The following PRICKLE1 variants were observed in gnomAD, a reference collection of about 807,000 sequenced individuals.
PRICKLE1 encodes prickle-like protein 1.
A neutral mutation model predicts 70.2 loss-of-function variants in PRICKLE1; 14 were observed. The observed-to-expected ratio is 0.20, with a 90% confidence interval of 0.13 to 0.31. The LOEUF is 0.31. PRICKLE1 is among the 10% of genes least tolerant of loss of function. The pLI is 1.00. For missense variants in PRICKLE1, 821 were observed against 1,026.2 expected, an observed-to-expected ratio of 0.80 and a Z score of 2.73; for synonymous variants, 357 against 379.9, an observed-to-expected ratio of 0.94 and a Z score of 0.70.
chr12:42,460,977 G>A (rs1375358503), intron 7 of PRICKLE1, among the ~76,000 whole-genome samples: 1 of 152,156 alleles, frequency 6.6e-6, no homozygotes, highest in Non-Finnish European at 1.5e-5. Flanking sequence ...CACCTCCCAG[G>A]TTCAAGCAGT....
chr12:42,468,889 T>C, intron 4 of PRICKLE1, 60 bp from the exon 5 acceptor site: 1 of 1,516,528 alleles, frequency 6.6e-7, no homozygotes, highest in South Asian at 1.2e-5. Flanking sequence ...ATTCTCAGGC[T>C]TTCCTACTTT....
chr12:42,489,072 C>T (rs984365653), intron 1 of PRICKLE1, among the ~76,000 whole-genome samples: 31 of 151,702 alleles, frequency 2.0e-4, no homozygotes, highest in African/African-American at 6.5e-4. Flanking sequence ...TACAGGCATG[C>T]GCAACCACGC....
At chr12:42,522,808 AC>A (rs1385485272) in intron 1 of PRICKLE1, among the ~76,000 whole-genome samples, 1 of 152,212 alleles carries the variant, frequency 6.6e-6, no homozygotes, top group Non-Finnish European at 1.5e-5. Context: ...TGGATATATT[AC>A]ATAAATTTGA....
chr12:42,577,583 C>T (rs1487434891), intron 1 of PRICKLE1, among the ~76,000 whole-genome samples: 1 of 151,964 alleles, frequency 6.6e-6, no homozygotes, highest in Non-Finnish European at 1.5e-5. Flanking sequence ...ATTATCTATC[C>T]CCCTGAAGTT....
intron 1 of PRICKLE1, among the ~76,000 whole-genome samples, chr12:42,491,502 G>A (rs1051970982): frequency 2.3e-4 from 35 of 151,766 alleles, no homozygotes; most frequent in African/African-American, 8.2e-4. Flanking sequence ...GCAGTGAGCC[G>A]AGATCACATC....
intron 1 of PRICKLE1, among the ~76,000 whole-genome samples, chr12:42,525,435 C>G (rs968826587): frequency 2.0e-5 from 3 of 152,186 alleles, no homozygotes; most frequent in East Asian, 3.8e-4. Context: ...GTCAGAAGCA[C>G]AGGTAAAACA....
intron 6 of PRICKLE1, 56 bp downstream of exon 6, chr12:42,466,138 A>T: frequency 6.3e-7 from 1 of 1,579,248 alleles, no homozygotes; most frequent in Non-Finnish European, 8.7e-7. Flanking sequence ...AGACTGGATA[A>T]TCCAAGACAG....
chr12:42,472,315 A>G (rs761551641), intron 2 of PRICKLE1, 70 bp downstream of exon 2: 157 of 1,557,710 alleles, frequency 1.0e-4, no homozygotes, highest in Non-Finnish European at 1.4e-4. Flanking sequence ...ATCCATTTAC[A>G]AAATAATGTT....
chr12:42,555,773 C>G (rs1566125018), intron 1 of PRICKLE1, among the ~76,000 whole-genome samples: 1 of 152,076 alleles, frequency 6.6e-6, no homozygotes, highest in Non-Finnish European at 1.5e-5. Context: ...AAAGCATCCC[C>G]CTAGAATCCT....
intron 1 of PRICKLE1, among the ~76,000 whole-genome samples, chr12:42,586,284 G>A (rs1398015154): frequency 1.3e-5 from 2 of 152,170 alleles, no homozygotes; most frequent in African/African-American, 2.4e-5. Flanking sequence ...ACATGGAGAT[G>A]AGAGAGACAG....
chr12:42,528,342 G>A (rs1448139232), intron 1 of PRICKLE1, among the ~76,000 whole-genome samples: 2 of 152,070 alleles, frequency 1.3e-5, no homozygotes, highest in Non-Finnish European at 2.9e-5. Context: ...GCAAAGTGCT[G>A]GGATAATAGG....
At chr12:42,526,236 CT>C (rs1939796302) in intron 1 of PRICKLE1, among the ~76,000 whole-genome samples, 1 of 108,144 alleles carries the variant, frequency 9.2e-6, no homozygotes, top group Non-Finnish European at 2.1e-5. Context: ...TAACAAAAAT[CT>C]TTTTTCTTTT....
intron 1 of PRICKLE1, chr12:42,485,239 G>GTTTTTTTTTTTTTTTTTTTTT (rs556218718): frequency 3.0e-5 from 3 of 100,784 alleles, no homozygotes; most frequent in African/African-American, 7.4e-5. Flanking sequence ...CAGCTGAGAA[G>GTTTTTTTTTTTTTTTTTTTTT]TTTTTTTTTT....
chr12:42,507,675 T>C (rs1939443214), intron 1 of PRICKLE1, among the ~76,000 whole-genome samples: 1 of 152,356 alleles, frequency 6.6e-6, no homozygotes, highest in South Asian at 2.1e-4. Flanking sequence ...ATACAGTCAA[T>C]GAAGGTTGCA....
intron 1 of PRICKLE1, among the ~76,000 whole-genome samples, chr12:42,565,937 C>T (rs1316387451): frequency 2.0e-5 from 3 of 152,174 alleles, no homozygotes; most frequent in East Asian, 1.9e-4. Context: ...AACAAGGAAC[C>T]GGGGATCAGA....
At chr12:42,552,110 A>G (rs1940328931) in intron 1 of PRICKLE1, among the ~76,000 whole-genome samples, 1 of 138,696 alleles carries the variant, frequency 7.2e-6, no homozygotes, top group African/African-American at 2.7e-5. Flanking sequence ...TCTGTTGTCT[A>G]GGCTGGAGTG....
chr12:42,470,193 T>G, intron 3 of PRICKLE1, 53 bp downstream of exon 3: 1 of 1,241,274 alleles, frequency 8.1e-7, no homozygotes, highest in Non-Finnish European at 1.2e-6. Context: ...TCTCAATGCT[T>G]CTCATGCATT....
At chr12:42,527,960 T>C (rs2897536) in intron 1 of PRICKLE1, among the ~76,000 whole-genome samples, 378 of 11,600 alleles carry the variant, frequency 0.033, 11 homozygotes, top group African/African-American at 0.052. Flanking sequence ...TATATATATA[T>C]ATATATATAT....
At chr12:42,567,841 G>A (rs549148496) in intron 1 of PRICKLE1, among the ~76,000 whole-genome samples, 3 of 150,976 alleles carry the variant, frequency 2.0e-5, no homozygotes, top group East Asian at 1.9e-4. Flanking sequence ...TCTTCTTTAG[G>A]TGGGGATACA....
Sources: allele counts gnomAD v4.1 joint callset (sites outside exome capture counted in the v4.1 genomes callset), GRCh38; gene constraint gnomAD v4.1.1; transcripts MANE v1.5; gene names NCBI Gene and HGNC (gene_info 2026-07-23, HGNC 2026-07-21).